The following TFPI variants were observed in gnomAD, a reference collection of about 807,000 sequenced individuals.
The protein encoded by TFPI is tissue factor pathway inhibitor.
Under a neutral mutation model 34.6 loss-of-function variants are expected in TFPI, and 15 were observed. The ratio of observed to expected loss-of-function variants is 0.43; its 90% CI spans 0.29 to 0.67. TFPI has a LOEUF of 0.67. Among genes scored for constraint, TFPI ranks in the 30% least tolerant of loss-of-function variants. TFPI has a pLI of 0.15. For missense variants in TFPI, 301 were observed against 364.0 expected (o/e 0.83, Z 1.41); for synonymous variants, 105 against 120.1 (o/e 0.87, Z 0.82).
intron 1 of TFPI, among the ~76,000 whole-genome samples, chr2:187,507,936 G>A (rs531928389): frequency 6.6e-6 from 1 of 152,102 alleles, no homozygotes; most frequent in South Asian, 2.1e-4. Context: ...GGGTTTTTAT[G>A]GTTTTAGGTC....
chr2:187,529,938 T>TA (rs1464676203), intron 1 of TFPI, among the ~76,000 whole-genome samples: 1 of 152,234 alleles, frequency 6.6e-6, no homozygotes, highest in Non-Finnish European at 1.5e-5. Context: ...GCCAACTTCT[T>TA]ATGTTGTACA....
chr2:187,553,474 G>C (rs191420060), intron 1 of TFPI, among the ~76,000 whole-genome samples: 236 of 151,944 alleles, frequency 1.6e-3, no homozygotes, highest in African/African-American at 5.3e-3. Flanking sequence ...TTATATTTCT[G>C]TGGTTGTTTA....
intron 3 of TFPI, among the ~76,000 whole-genome samples, chr2:187,490,056 T>G (rs942078823): frequency 2.0e-5 from 3 of 151,676 alleles, no homozygotes; most frequent in African/African-American, 7.2e-5. Flanking sequence ...ATTATGAATA[T>G]TAAGATGTAA....
chr2:187,486,705 T>G (rs1693295776), intron 4 of TFPI, among the ~76,000 whole-genome samples: 1 of 151,636 alleles, frequency 6.6e-6, no homozygotes, highest in Non-Finnish European at 1.5e-5. Flanking sequence ...GTAAATAAAT[T>G]AACCTTCTTA....
chr2:187,525,811 A>G (rs762245782), intron 1 of TFPI, among the ~76,000 whole-genome samples: 1 of 152,042 alleles, frequency 6.6e-6, no homozygotes, highest in Admixed American at 6.6e-5. Context: ...TCTCAAACTT[A>G]TAGCCTCCAG....
At chr2:187,504,953 C>T (rs1356647197) in intron 1 of TFPI, among the ~76,000 whole-genome samples, 1 of 151,912 alleles carries the variant, frequency 6.6e-6, no homozygotes, top group Non-Finnish European at 1.5e-5. Flanking sequence ...TTTTTTCTCA[C>T]AACACTTTGC....
At chr2:187,537,352 C>T (rs973154366) in intron 1 of TFPI, among the ~76,000 whole-genome samples, 1 of 152,142 alleles carries the variant, frequency 6.6e-6, no homozygotes, top group Non-Finnish European at 1.5e-5. Flanking sequence ...TACAAGGCTA[C>T]AGTAACCAAA....
rs368397355 is a variant in TFPI, at chr2:187,510,600, G to A, written c.-2-6830C>T. On this transcript the variant is annotated intron_variant, in intron 1 of 7. Transcript: ENST00000233156. ...GAAATCCACAGGCAGGCAGCCCGGC[G>A]CTGTGCCCTGGGCCTGGTAGTTAAA... Among the ~76,000 whole-genome samples, 8 of 152,286 alleles carry A rather than the reference G, an allele frequency of 5.3e-5. No individual in the cohort carries two copies. The East Asian group carries it at 1.2e-3, about 22-fold the overall frequency.
At chr2:187,553,053 A>G (rs2106341202) in intron 1 of TFPI, among the ~76,000 whole-genome samples, 1 of 152,192 alleles carries the variant, frequency 6.6e-6, no homozygotes, top group South Asian at 2.1e-4. Context: ...TAAGGATTAG[A>G]TGAGATATGG....
intron 6 of TFPI, among the ~76,000 whole-genome samples, chr2:187,469,011 A>C (rs569595783): frequency 7.2e-4 from 109 of 152,256 alleles, no homozygotes; most frequent in African/African-American, 2.5e-3. Flanking sequence ...TGCTTTAAGC[A>C]AGAAGCAGTC....
chr2:187,540,821 GT>G (rs1181306019), intron 1 of TFPI, among the ~76,000 whole-genome samples: 1 of 150,944 alleles, frequency 6.6e-6, no homozygotes, highest in Non-Finnish European at 1.5e-5. Context: ...ATCCCAGGAG[GT>G]GGAGGTTGTA....
At chr2:187,484,430 G>C (rs1235226202) in intron 5 of TFPI, 2 of 547,262 alleles carry the variant, frequency 3.7e-6, no homozygotes. Flanking sequence ...AGCAGTTAAT[G>C]TTTAAGTCAT....
At chr2:187,480,524 G>T (rs1260092792) in intron 6 of TFPI, among the ~76,000 whole-genome samples, 1 of 152,060 alleles carries the variant, frequency 6.6e-6, no homozygotes, top group Non-Finnish European at 1.5e-5. Flanking sequence ...GGAATTTAAC[G>T]CATGTCTTCA....
intron 1 of TFPI, among the ~76,000 whole-genome samples, chr2:187,529,167 G>T (rs1687831691): frequency 6.6e-6 from 1 of 152,194 alleles, no homozygotes; most frequent in Non-Finnish European, 1.5e-5. Flanking sequence ...TAAGAATGCT[G>T]CATCAGACCC....
At chr2:187,476,370 C>G (rs887311346) in intron 6 of TFPI, among the ~76,000 whole-genome samples, 1 of 152,096 alleles carries the variant, frequency 6.6e-6, no homozygotes, top group African/African-American at 2.4e-5. Context: ...ATGAGAGAGT[C>G]TTGCTGTCAT....
chr2:187,483,545 T>C (rs1020842636), intron 6 of TFPI, among the ~76,000 whole-genome samples: 3 of 152,012 alleles, frequency 2.0e-5, no homozygotes, highest in Non-Finnish European at 4.4e-5. Flanking sequence ...TTTTCTCAGC[T>C]CTGCATTTTG....
At position 187,467,925 on chromosome 2, in the gene TFPI, G is replaced by A. The variant is rs1026019163; in HGVS notation, c.636C>T (p.His212=). 6 of 1,565,136 alleles carry A rather than the reference G, an allele frequency of 3.8e-6. No homozygotes were observed. The highest frequency in any genetic ancestry group is 1.4e-5 in the African/African-American group (1 of 73,154). ...CTGGAGTGAGACACCATGAGGGACCGTGAAATTCTAAAAACAATCAGGAAA... is the reference window on the plus strand; with the variant it reads ...CTGGAGTGAGACACCATGAGGGACCATGAAATTCTAAAAACAATCAGGAAA... ...STKVPSLFEF[H]GPSWCLTPAD... The change falls in exon 7 of 8, where the codon CAC becomes CAT. Residue 212 remains histidine (H), a synonymous_variant. Coordinates refer to ENST00000233156, the MANE Select transcript of TFPI (RefSeq NM_006287.6).
At chr2:187,527,828 G>A (rs1368916234) in intron 1 of TFPI, among the ~76,000 whole-genome samples, 2 of 152,060 alleles carry the variant, frequency 1.3e-5, no homozygotes, top group African/African-American at 4.8e-5. Flanking sequence ...GTGCAAGTAT[G>A]TTGAATAGTG....
rs540594556 is a variant in TFPI, at chr2:187,466,866, A to G, written c.*70T>C. 2.2e-6 allele frequency: 2 copies of G among 891,828 alleles called. No homozygotes were observed. The highest frequency in any genetic ancestry group is 3.1e-5 in the East Asian group (1 of 32,402). The allele number at this position is 891,828 out of a possible 1,614,324, so 55.2% of individuals were successfully genotyped here. A position where few individuals can be genotyped will look rare whatever the true frequency, so the allele number is the denominator to read the frequency against. On this transcript the variant is annotated 3_prime_UTR_variant, in exon 8 of 8. Transcript: ENST00000233156. The stretch of plus-strand genomic sequence containing the variant: ...TAATTAAAAGCATTTTAGAAGAAAA[A>G]TAGAAAATCATAGTGAAACATTTCA...
Sources: allele counts gnomAD v4.1 joint callset (sites outside exome capture counted in the v4.1 genomes callset), GRCh38; gene constraint gnomAD v4.1.1; transcripts MANE v1.5; gene names NCBI Gene and HGNC (gene_info 2026-07-23, HGNC 2026-07-21).